Variants in AUH observed in about 807,000 individuals in gnomAD.
The protein encoded by AUH is AU RNA binding methylglutaconyl-CoA hydratase, also known as methylglutaconyl-CoA hydratase, mitochondrial.
In AUH, 29 loss-of-function variants were observed where a neutral mutation model predicts 42.3. The ratio of observed to expected loss-of-function variants is 0.69; its 90% CI spans 0.51 to 0.93. The LOEUF (loss-of-function observed/expected upper bound fraction) is 0.93. Among genes scored for constraint, AUH ranks in the 40% least tolerant of loss-of-function variants. AUH has a pLI of 0.00. For missense variants in AUH, 452 were observed against 438.1 expected (o/e 1.03, Z -0.28); for synonymous variants, 174 against 166.4 (o/e 1.05, Z -0.35).
intron 6 of AUH, among the ~76,000 whole-genome samples, chr9:91,259,926 C>G (rs1829620434): frequency 6.6e-6 from 1 of 152,102 alleles, no homozygotes; most frequent in Non-Finnish European, 1.5e-5. Flanking sequence ...CAAATTGTTT[C>G]CTAATACACC....
At chr9:91,252,358 G>GA (rs138781987) in intron 6 of AUH, among the ~76,000 whole-genome samples, 11,067 of 151,974 alleles carry the variant, frequency 0.073, 711 homozygotes, top group East Asian at 0.26. Context: ...TGATGCCTTG[G>GA]AAAAAAAGCA....
chr9:91,309,091 CTT>C, intron 4 of AUH, among the ~76,000 whole-genome samples: 1 of 150,172 alleles, frequency 6.7e-6, no homozygotes, highest in Non-Finnish European at 1.5e-5. Context: ...GGCGCCTGGT[CTT>C]AACTTTTATC....
intron 4 of AUH, among the ~76,000 whole-genome samples, chr9:91,320,878 T>A (rs1010955433): frequency 1.3e-5 from 2 of 152,186 alleles, no homozygotes; most frequent in South Asian, 2.1e-4. Context: ...CACTAAAAAA[T>A]TTTTATTAAC....
At chr9:91,355,334 G>C (rs1832323436) in intron 3 of AUH, among the ~76,000 whole-genome samples, 1 of 152,098 alleles carries the variant, frequency 6.6e-6, no homozygotes, top group Non-Finnish European at 1.5e-5. Context: ...AAGATGGTGG[G>C]TCACTTGAGG....
intron 5 of AUH, among the ~76,000 whole-genome samples, chr9:91,296,362 G>A (rs1827331887): frequency 6.6e-6 from 1 of 152,044 alleles, no homozygotes; most frequent in Non-Finnish European, 1.5e-5. Flanking sequence ...ACCCAATATT[G>A]CCAAGACATA....
intron 6 of AUH, among the ~76,000 whole-genome samples, chr9:91,231,121 G>A (rs1039218435): frequency 6.6e-6 from 1 of 152,208 alleles, no homozygotes; most frequent in East Asian, 1.9e-4. Context: ...AAGCAAGCCT[G>A]GGCAATGGTG....
At chr9:91,343,153 AT>A (rs1261190725) in intron 3 of AUH, 2 of 151,404 alleles carry the variant, frequency 1.3e-5, no homozygotes, top group Non-Finnish European at 2.9e-5. Flanking sequence ...TTATAGGAGG[AT>A]TTTCAACTGT....
At chr9:91,306,825 G>T (rs999201135) in intron 4 of AUH, among the ~76,000 whole-genome samples, 1 of 152,150 alleles carries the variant, frequency 6.6e-6, no homozygotes, top group Non-Finnish European at 1.5e-5. Flanking sequence ...ATCCATAAAC[G>T]TAAGGGTAGT....
intron 4 of AUH, among the ~76,000 whole-genome samples, chr9:91,316,702 T>C (rs755533122): frequency 1.3e-5 from 2 of 152,366 alleles, no homozygotes; most frequent in East Asian, 3.9e-4. Context: ...TTTTCTGTCA[T>C]GTCCTCTTGC....
intron 7 of AUH, among the ~76,000 whole-genome samples, chr9:91,220,418 G>A (rs1364234532): frequency 6.6e-6 from 1 of 152,238 alleles, no homozygotes; most frequent in East Asian, 1.9e-4. Context: ...ATATTTCAAT[G>A]TATTTTGACT....
chr9:91,310,471 A>C (rs1252506439), intron 4 of AUH, among the ~76,000 whole-genome samples: 1 of 152,226 alleles, frequency 6.6e-6, no homozygotes, highest in Admixed American at 6.5e-5. Context: ...GTGAAGAAAA[A>C]GCCAACTCAT....
At position 91,268,111 on chromosome 9, in the gene AUH, A is replaced by G. The variant is rs1033623028; in HGVS notation, c.655+27910T>C. Among the ~76,000 whole-genome samples the G allele has an allele frequency of 2.0e-5, 3 of 152,332 alleles. No homozygotes were observed. In the East Asian group the frequency reaches 5.8e-4, roughly 29 times the overall value. On this transcript the variant is annotated intron_variant, in intron 6 of 9. Coordinates refer to ENST00000375731, the MANE Select transcript of AUH (RefSeq NM_001698.3). ...AGAGTCAACCTCCACTCAAGGACCA[A>G]CAATCGTAATAAACATCATCATTCC...
At chr9:91,308,514 T>A (rs535864852) in intron 4 of AUH, among the ~76,000 whole-genome samples, 2 of 152,200 alleles carry the variant, frequency 1.3e-5, no homozygotes, top group Non-Finnish European at 2.9e-5. Flanking sequence ...TAAGTCACCA[T>A]GCAGAAAACA....
At chr9:91,244,031 C>T (rs1828659572) in intron 6 of AUH, among the ~76,000 whole-genome samples, 1 of 152,120 alleles carries the variant, frequency 6.6e-6, no homozygotes, top group Non-Finnish European at 1.5e-5. Flanking sequence ...TAAAACATAT[C>T]CAACATCCAG....
At chr9:91,229,588 C>T (rs1827742258) in intron 6 of AUH, among the ~76,000 whole-genome samples, 1 of 150,806 alleles carries the variant, frequency 6.6e-6, no homozygotes, top group Non-Finnish European at 1.5e-5. Context: ...TGAATTTGAT[C>T]CTGTCATTAT....
In AUH at chr9:91,220,824, G is replaced by A. The variant is rs748318386; in HGVS notation, c.824C>T (p.Ala275Val). 1.7e-5 allele frequency: 27 copies of A among 1,614,016 alleles called. No individual in the cohort carries two copies. The highest frequency in any genetic ancestry group is 1.7e-4 in the Admixed American group (10 of 60,004). The change falls in exon 7 of 10, where the codon GCG becomes GTG. Residue 275 changes from alanine to valine, a missense_variant. Ala to Val is a moderately conservative substitution (Grantham distance 64). Coordinates refer to ENST00000375731, the MANE Select transcript of AUH (RefSeq NM_001698.3). ...AAATACCTGAGGTAAAAACTCTCTC[G>A]CCAGGTCCAAGGCCTTCCTGTAGGC... Reference protein sequence around the residue: ...DAAYRKALDLAREFLPQGPVA... With the variant: ...DAAYRKALDLVREFLPQGPVA...
chr9:91,288,499 G>C (rs1161794369), intron 6 of AUH, among the ~76,000 whole-genome samples: 1 of 152,060 alleles, frequency 6.6e-6, no homozygotes, highest in Non-Finnish European at 1.5e-5. Flanking sequence ...TTACGACAAG[G>C]TTCTGGGGTA....
At chr9:91,281,304 A>G (rs184433298) in intron 6 of AUH, among the ~76,000 whole-genome samples, 14 of 152,072 alleles carry the variant, frequency 9.2e-5, no homozygotes, top group African/African-American at 3.1e-4. Flanking sequence ...TCATTCTGCA[A>G]TTCAGTCCAT....
At chr9:91,339,351 T>C (rs997493268) in intron 3 of AUH, among the ~76,000 whole-genome samples, 1 of 152,212 alleles carries the variant, frequency 6.6e-6, no homozygotes, top group Non-Finnish European at 1.5e-5. Context: ...TAATAAGCTC[T>C]GGATAAAAGG....
Sources: allele counts gnomAD v4.1 joint callset (sites outside exome capture counted in the v4.1 genomes callset), GRCh38; gene constraint gnomAD v4.1.1; transcripts MANE v1.5; gene names NCBI Gene and HGNC (gene_info 2026-07-23, HGNC 2026-07-21).